Variants in LSM6 observed in about 807,000 individuals in gnomAD.
LSM6 encodes the protein LSM6 homolog, U6 small nuclear RNA and mRNA degradation associated, also known as U6 snRNA-associated Sm-like protein LSm6.
In LSM6, 2 loss-of-function variants were observed where a neutral mutation model predicts 13.5. That is an observed-to-expected ratio of 0.15 (90% CI 0.06 to 0.47). The LOEUF (loss-of-function observed/expected upper bound fraction) is 0.47. Among genes scored for constraint, LSM6 ranks in the 20% least tolerant of loss-of-function variants. LSM6 has a pLI of 0.97. For synonymous variants in LSM6, 43 were observed against 34.9 expected (o/e 1.23, Z -0.82); for missense variants, 58 against 96.4 (o/e 0.60, Z 1.67).
rs573210311 is a variant in LSM6 at position 146,183,264 on chromosome 4, A to G, written c.94+249A>G. 4 of 356,132 alleles carry G rather than the reference A, an allele frequency of 1.1e-5. No individual in the cohort carries two copies. In the South Asian group the frequency reaches 1.2e-4, roughly 11 times the overall value. The allele number at this position is 356,132 out of a possible 1,614,324, so 22.1% of individuals were successfully genotyped here. On this transcript the variant is annotated intron_variant, in intron 2 of 3. Coordinates refer to ENST00000296581, the MANE Select transcript of LSM6 (RefSeq NM_007080.3). Reference sequence around the variant, plus strand: ...TGTCTCCTGTCTCTGCTTTGAGATCATATGTGCCTAAATTCCCTGGTAATA... The same window carrying G: ...TGTCTCCTGTCTCTGCTTTGAGATCGTATGTGCCTAAATTCCCTGGTAATA...
intron 1 of LSM6, among the ~76,000 whole-genome samples, chr4:146,176,939 T>C (rs1730124176): frequency 6.6e-6 from 1 of 152,200 alleles, no homozygotes; most frequent in South Asian, 2.1e-4. Flanking sequence ...TACACATTGC[T>C]GCAGTGTTTT....
At chr4:146,184,418 G>A (rs1003567248) in intron 2 of LSM6, among the ~76,000 whole-genome samples, 5 of 152,012 alleles carry the variant, frequency 3.3e-5, no homozygotes, top group African/African-American at 1.2e-4. Context: ...GTTCAGGCTC[G>A]GCTCATAAGC....
intron 1 of LSM6, among the ~76,000 whole-genome samples, chr4:146,178,167 C>G (rs1422588819): frequency 6.6e-6 from 1 of 152,234 alleles, no homozygotes; most frequent in Non-Finnish European, 1.5e-5. Context: ...TTGCTTGGCA[C>G]TGGCCTTGAA....
At chr4:146,176,779 T>A (rs1730119927) in intron 1 of LSM6, 1 of 152,128 alleles carries the variant, frequency 6.6e-6, no homozygotes, top group Admixed American at 6.5e-5. Flanking sequence ...TTAGATTGTT[T>A]TTGAATTTTT....
chr4:146,185,587 G>A (rs76125911), intron 2 of LSM6, among the ~76,000 whole-genome samples: 6,766 of 150,648 alleles, frequency 0.045, 232 homozygotes, highest in East Asian at 0.15. Flanking sequence ...TTTTGGTTTT[G>A]TATAGTAGTT....
intron 1 of LSM6, 71 bp from the exon 2 acceptor site, chr4:146,182,841 C>A: frequency 1.1e-6 from 1 of 886,488 alleles, no homozygotes; most frequent in Non-Finnish European, 1.9e-6. Context: ...ATGTTAAGGG[C>A]TTTAAGGGTT....
chr4:146,178,413 G>A (rs1560710116), intron 1 of LSM6, among the ~76,000 whole-genome samples: 1 of 152,170 alleles, frequency 6.6e-6, no homozygotes, highest in Non-Finnish European at 1.5e-5. Context: ...GAGGAAGGAG[G>A]GATTGGTATG....
At position 146,191,222 on chromosome 4, in the gene LSM6, G is replaced by A. The variant is rs1328284949; in HGVS notation, c.*1566G>A. ...GAAAATGGATGGCTCTCCAAGTGGA[G>A]CATACATGTTCTCATTTGTTTTGTA... On this transcript the variant is annotated 3_prime_UTR_variant, in exon 4 of 4. Coordinates refer to ENST00000296581, the MANE Select transcript of LSM6 (RefSeq NM_007080.3). The A allele has an allele frequency of 6.6e-6, 1 of 152,154 alleles. No homozygotes were observed. The highest frequency in any genetic ancestry group is 2.4e-5 in the African/African-American group (1 of 41,424). 9.4% of individuals were successfully genotyped at this position (152,154 alleles called of 1,614,324 possible).
intron 2 of LSM6, 45 bp from the exon 3 acceptor site, chr4:146,187,229 C>G: frequency 9.1e-7 from 1 of 1,096,028 alleles, no homozygotes; most frequent in Non-Finnish European, 1.4e-6. Context: ...ATTTTCAACT[C>G]TTATTTGCCT....
intron 3 of LSM6, 113 bp from the exon 4 acceptor site, chr4:146,189,509 C>T: frequency 8.9e-6 from 6 of 673,834 alleles, no homozygotes; most frequent in Non-Finnish European, 1.3e-5. Context: ...ACGAGAATTC[C>T]TTTTAAATGT....
chr4:146,188,408 C>T (rs1371066803), intron 3 of LSM6, among the ~76,000 whole-genome samples: 3 of 151,388 alleles, frequency 2.0e-5, no homozygotes, highest in African/African-American at 7.3e-5. Context: ...ACTTGGGGGG[C>T]AGGGTTGGGG....
At chr4:146,186,373 A>G (rs17021203) in intron 2 of LSM6, among the ~76,000 whole-genome samples, 1 of 152,094 alleles carries the variant, frequency 6.6e-6, no homozygotes, top group Non-Finnish European at 1.5e-5. Flanking sequence ...TAAGACATCA[A>G]ATGAGAAACT....
At chr4:146,183,870 C>CTTTTTTTT (rs1206702736) in intron 2 of LSM6, among the ~76,000 whole-genome samples, 1 of 117,494 alleles carries the variant, frequency 8.5e-6, no homozygotes, top group Non-Finnish European at 1.8e-5. Context: ...GGGTAATTTT[C>CTTTTTTTT]TTTTTTTTTT....
At chr4:146,181,629 T>C (rs896175628) in intron 1 of LSM6, among the ~76,000 whole-genome samples, 2 of 152,196 alleles carry the variant, frequency 1.3e-5, no homozygotes, top group African/African-American at 2.4e-5. Flanking sequence ...TGGAAGAATA[T>C]TTAATGAAAA....
chr4:146,179,634 G>A (rs1730188114), intron 1 of LSM6, among the ~76,000 whole-genome samples: 1 of 152,180 alleles, frequency 6.6e-6, no homozygotes, highest in African/African-American at 2.4e-5. Flanking sequence ...CTCTTGTCAT[G>A]TGGCTTACAG....
intron 2 of LSM6, among the ~76,000 whole-genome samples, chr4:146,185,122 C>T (rs546076680): frequency 2.8e-4 from 43 of 152,244 alleles, no homozygotes; most frequent in African/African-American, 9.6e-4. Flanking sequence ...TCTACTTTGA[C>T]ATATATTGTG....
rs140667734 is a variant in LSM6 at position 146,179,599 on chromosome 4, G to A, written c.-10-3313G>A. 5.3e-5 allele frequency among the ~76,000 whole-genome samples: 8 copies of A among 152,228 alleles called. No individual in the cohort carries two copies. In the East Asian group the frequency reaches 1.2e-3, roughly 22 times the overall value. On this transcript the variant is annotated intron_variant, in intron 1 of 3. Coordinates refer to ENST00000296581, the MANE Select transcript of LSM6 (RefSeq NM_007080.3). ...TTTAGTAGAATGTAGATATTCTAGA[G>A]AACAGATGAGAAGCTTGTGAGCCCC...
intron 1 of LSM6, chr4:146,176,445 G>T (rs28411745): frequency 0.021 from 3,246 of 152,366 alleles, 103 homozygotes; most frequent in African/African-American, 0.073. Context: ...AAGGTGTGTA[G>T]GATTAAGATG....
At chr4:146,178,805 T>C (rs926841141) in intron 1 of LSM6, among the ~76,000 whole-genome samples, 3 of 152,200 alleles carry the variant, frequency 2.0e-5, no homozygotes, top group Admixed American at 6.5e-5. Flanking sequence ...TCCAACTGGA[T>C]TTCTCACCGC....
Sources: allele counts gnomAD v4.1 joint callset (sites outside exome capture counted in the v4.1 genomes callset), GRCh38; gene constraint gnomAD v4.1.1; transcripts MANE v1.5; gene names NCBI Gene and HGNC (gene_info 2026-07-23, HGNC 2026-07-21).